The following HS6ST3 variants were observed in gnomAD, a reference collection of about 807,000 sequenced individuals.
HS6ST3 encodes the protein heparan-sulfate 6-O-sulfotransferase 3.
Under a neutral mutation model 36.7 loss-of-function variants are expected in HS6ST3, and 12 were observed. The observed-to-expected ratio is 0.33, with a 90% CI of 0.21 to 0.53. The LOEUF (loss-of-function observed/expected upper bound fraction) is 0.53. Among genes scored for constraint, HS6ST3 ranks in the 20% least tolerant of loss-of-function variants. The pLI, the probability that HS6ST3 is intolerant of heterozygous loss-of-function variation, is 0.95. For synonymous variants in HS6ST3, 240 were observed against 257.5 expected (o/e 0.93, Z 0.65); for missense variants, 584 against 640.9 (o/e 0.91, Z 0.96).
At chr13:96,091,728 G>A (rs532768292) in intron 1 of HS6ST3, among the ~76,000 whole-genome samples, 159 bp downstream of exon 1, 1 of 151,690 alleles carries the variant, frequency 6.6e-6, no homozygotes, top group Admixed American at 6.6e-5. Context: ...AGAAACCTCC[G>A]GATAGTGCCT....
At chr13:96,670,771 TG>T (rs1382636954) in intron 1 of HS6ST3, among the ~76,000 whole-genome samples, 10 of 152,188 alleles carry the variant, frequency 6.6e-5, no homozygotes, top group Admixed American at 2.0e-4. Flanking sequence ...GACAAAACAT[TG>T]GCCCTTGGAA....
chr13:96,556,138 A>C (rs1310409074), intron 1 of HS6ST3, among the ~76,000 whole-genome samples: 1 of 152,210 alleles, frequency 6.6e-6, no homozygotes, highest in Non-Finnish European at 1.5e-5. Context: ...TATTGCAGTG[A>C]AAATGAATTT....
At chr13:96,776,703 G>A (rs1045616055) in intron 1 of HS6ST3, among the ~76,000 whole-genome samples, 2 of 152,026 alleles carry the variant, frequency 1.3e-5, no homozygotes, top group African/African-American at 4.8e-5. Context: ...ATAATTAATA[G>A]CCTAACAACA....
At chr13:96,648,203 A>G (rs539685194) in intron 1 of HS6ST3, among the ~76,000 whole-genome samples, 1 of 152,148 alleles carries the variant, frequency 6.6e-6, no homozygotes, top group African/African-American at 2.4e-5. Flanking sequence ...TTAAATATTC[A>G]CCAGCACAAC....
At chr13:96,455,382 G>A (rs1017440872) in intron 1 of HS6ST3, among the ~76,000 whole-genome samples, 1 of 151,944 alleles carries the variant, frequency 6.6e-6, no homozygotes, top group African/African-American at 2.4e-5. Context: ...ACTATGCCCA[G>A]CTACATTTTT....
intron 1 of HS6ST3, among the ~76,000 whole-genome samples, chr13:96,232,705 G>T (rs2054514632): frequency 6.6e-6 from 1 of 152,176 alleles, no homozygotes; most frequent in African/African-American, 2.4e-5. Flanking sequence ...TGCAACCAGG[G>T]AAGGGAAGAT....
rs111923732 is a variant in HS6ST3 at position 96,518,081 on chromosome 13, A to G, written c.708-314409A>G. ...CAGGAACATGATGGAGCTGGGGGCT[A>G]TTATCTTAGCAAACTGACACAGGAA... On this transcript the variant is annotated intron_variant, in intron 1 of 1. Coordinates refer to ENST00000376705, the MANE Select transcript of HS6ST3 (RefSeq NM_153456.4). 1.1e-4 allele frequency among the ~76,000 whole-genome samples: 17 copies of G among 152,206 alleles called. No homozygotes were observed. The East Asian group carries it at 3.3e-3, about 30-fold the overall frequency.
intron 1 of HS6ST3, among the ~76,000 whole-genome samples, chr13:96,362,530 AG>A (rs903824201): frequency 5.9e-5 from 9 of 152,206 alleles, no homozygotes; most frequent in Non-Finnish European, 1.0e-4. Context: ...TTTGGAAATC[AG>A]GCTTCTTCTA....
chr13:96,316,081 A>G (rs2054967639), intron 1 of HS6ST3, among the ~76,000 whole-genome samples: 2 of 152,196 alleles, frequency 1.3e-5, no homozygotes, highest in South Asian at 2.1e-4. Context: ...GACTCATGGT[A>G]AGTGCTATTT....
chr13:96,402,560 C>T lies in HS6ST3; in HGVS notation c.707+310991C>T, dbSNP rs568158088. On this transcript the variant is annotated intron_variant, in intron 1 of 1. Coordinates refer to ENST00000376705, the MANE Select transcript of HS6ST3 (RefSeq NM_153456.4). ...ATTTGCATTGCCTCAATAAGTTCCT[C>T]GTGCCTCTTTGCAGTCAATACACTG... Among the ~76,000 whole-genome samples the T allele has an allele frequency of 3.3e-5, 5 of 152,288 alleles. No homozygotes were observed. The South Asian group carries it at 6.2e-4, about 19-fold the overall frequency.
chr13:96,662,202 C>T (rs1244104332), intron 1 of HS6ST3, among the ~76,000 whole-genome samples: 1 of 152,096 alleles, frequency 6.6e-6, no homozygotes, highest in East Asian at 1.9e-4. Context: ...CAAACTTTTT[C>T]CTTTTTCTTC....
At chr13:96,241,571 A>G (rs2054560098) in intron 1 of HS6ST3, among the ~76,000 whole-genome samples, 1 of 151,766 alleles carries the variant, frequency 6.6e-6, no homozygotes, top group Admixed American at 6.6e-5. Flanking sequence ...CAGAAGAAAA[A>G]TGTTATCACT....
chr13:96,717,377 TA>T (rs761707211), intron 1 of HS6ST3, among the ~76,000 whole-genome samples: 1 of 152,190 alleles, frequency 6.6e-6, no homozygotes, highest in East Asian at 1.9e-4. Context: ...CTGAGAAGAA[TA>T]AAAGTGTCTG....
chr13:96,745,832 A>C (rs1876548235), intron 1 of HS6ST3, among the ~76,000 whole-genome samples: 1 of 152,054 alleles, frequency 6.6e-6, no homozygotes, highest in Non-Finnish European at 1.5e-5. Flanking sequence ...CATGCCCTGC[A>C]AACAAACTTC....
At chr13:96,221,105 T>C (rs117363462) in intron 1 of HS6ST3, among the ~76,000 whole-genome samples, 5,335 of 152,200 alleles carry the variant, frequency 0.035, 122 homozygotes, top group South Asian at 0.048. Context: ...CCCTCCACCA[T>C]AAAAACGAAA....
At chr13:96,356,816 C>G (rs994466883) in intron 1 of HS6ST3, among the ~76,000 whole-genome samples, 12 of 152,202 alleles carry the variant, frequency 7.9e-5, no homozygotes, top group African/African-American at 2.4e-4. Flanking sequence ...GCTTTGAAGT[C>G]AGTCATTGAC....
At chr13:96,146,279 A>G (rs971384697) in intron 1 of HS6ST3, among the ~76,000 whole-genome samples, 6 of 152,004 alleles carry the variant, frequency 3.9e-5, no homozygotes, top group African/African-American at 1.2e-4. Flanking sequence ...GATTCTTCCT[A>G]CCCATGAGCA....
chr13:96,179,508 C>T (rs1044875259), intron 1 of HS6ST3, among the ~76,000 whole-genome samples: 4 of 152,178 alleles, frequency 2.6e-5, no homozygotes, highest in African/African-American at 4.8e-5. Context: ...CTGGAATCTA[C>T]GAAGCTCTGT....
intron 1 of HS6ST3, among the ~76,000 whole-genome samples, chr13:96,299,299 C>T (rs1438883268): frequency 1.3e-5 from 2 of 152,142 alleles, no homozygotes; most frequent in African/African-American, 4.8e-5. Context: ...TGCTTCGTTC[C>T]TGGCATCTAG....
Sources: allele counts gnomAD v4.1 joint callset (sites outside exome capture counted in the v4.1 genomes callset), GRCh38; gene constraint gnomAD v4.1.1; transcripts MANE v1.5; gene names NCBI Gene and HGNC (gene_info 2026-07-23, HGNC 2026-07-21).